FBXL4: variants seen among roughly 807,000 people sequenced by gnomAD.
FBXL4 encodes the protein F-box and leucine rich repeat protein 4.
Under a neutral mutation model 58.9 loss-of-function variants are expected in FBXL4, and 40 were observed. The ratio of observed to expected loss-of-function variants is 0.68; its 90% CI spans 0.53 to 0.88. FBXL4 has a LOEUF of 0.88. Ranked by LOEUF, FBXL4 falls within the 40% of genes least tolerant of loss-of-function variation. FBXL4 has a pLI of 0.00. For synonymous variants in FBXL4, 263 were observed against 265.5 expected (o/e 0.99, Z 0.09); for missense variants, 676 against 734.4 (o/e 0.92, Z 0.92).
intron 1 of FBXL4, among the ~76,000 whole-genome samples, chr6:98,945,407 C>T (rs1773584453): frequency 6.6e-6 from 1 of 152,162 alleles, no homozygotes; most frequent in Non-Finnish European, 1.5e-5. Context: ...AGATGGTACA[C>T]TGCCATTTAT....
At chr6:98,943,563 G>C (rs1234815241) in intron 1 of FBXL4, among the ~76,000 whole-genome samples, 9 of 106,870 alleles carry the variant, frequency 8.4e-5, no homozygotes, top group Non-Finnish European at 1.3e-4. Flanking sequence ...ATGGGTGACA[G>C]AGCAAGACTC....
chr6:98,940,580 G>A (rs1475258172), intron 1 of FBXL4, among the ~76,000 whole-genome samples: 1 of 151,608 alleles, frequency 6.6e-6, no homozygotes, highest in Non-Finnish European at 1.5e-5. Flanking sequence ...GTGCTTATTT[G>A]CCATTTATAT....
At chr6:98,946,030 C>T (rs1009245709) in intron 1 of FBXL4, among the ~76,000 whole-genome samples, 6 of 152,158 alleles carry the variant, frequency 3.9e-5, no homozygotes, top group Non-Finnish European at 5.9e-5. Flanking sequence ...GAAAGGGAAT[C>T]AACTTGCCCC....
chr6:98,908,136 A>G (rs1771883242), intron 5 of FBXL4, among the ~76,000 whole-genome samples: 1 of 152,158 alleles, frequency 6.6e-6, no homozygotes, highest in Non-Finnish European at 1.5e-5. Context: ...TAAAAAGTAA[A>G]CCCAAACATT....
At chr6:98,945,440 T>C (rs1773586211) in intron 1 of FBXL4, among the ~76,000 whole-genome samples, 1 of 152,160 alleles carries the variant, frequency 6.6e-6, no homozygotes, top group African/African-American at 2.4e-5. Context: ...GACTTAAATA[T>C]ATTTATTTTT....
At chr6:98,875,836 A>G in intron 8 of FBXL4, 109 bp from the exon 9 acceptor site, 7 of 1,068,340 alleles carry the variant, frequency 6.6e-6, no homozygotes, top group Non-Finnish European at 9.7e-6. Flanking sequence ...CCATGTAAAC[A>G]AATCCACATC....
rs1432858901 is a variant in FBXL4 at position 98,875,301 on chromosome 6, G to C, written c.1702+114C>G. ...CCTATCAAACCAAGCCATCTTATCA[G>C]GATAAAATTTTTATTGTATCCAAAA... On this transcript the variant is annotated intron_variant, in intron 9 of 9. Transcript: ENST00000369244. The C allele has an allele frequency of 5.6e-6, 5 of 897,976 alleles. No individual in the cohort carries two copies. The East Asian group carries it at 1.3e-4, about 24-fold the overall frequency. 55.6% of individuals were successfully genotyped at this position (897,976 alleles called of 1,614,324 possible). A position where few individuals can be genotyped will look rare whatever the true frequency, so the allele number is the denominator to read the frequency against.
At chr6:98,937,425 T>C (rs1485223102) in intron 1 of FBXL4, among the ~76,000 whole-genome samples, 1 of 152,242 alleles carries the variant, frequency 6.6e-6, no homozygotes, top group Non-Finnish European at 1.5e-5. Context: ...GTTATATAAT[T>C]TATGCTTATA....
intron 7 of FBXL4, among the ~76,000 whole-genome samples, chr6:98,890,191 T>A (rs195846): frequency 0.23 from 35,299 of 152,000 alleles, 4,848 homozygotes; most frequent in East Asian, 0.5. Flanking sequence ...TAATAAAGAA[T>A]GTAACCCTTA....
rs1455858692 is a variant in FBXL4 at position 98,915,800 on chromosome 6, A to G, written c.858+1574T>C. 2.0e-5 allele frequency among the ~76,000 whole-genome samples: 3 copies of G among 152,118 alleles called. No individual in the cohort carries two copies. The South Asian group carries it at 6.2e-4, about 32-fold the overall frequency. ...CTAAAACACCAAAAGCAATGGCAAC[A>G]AAAGCCAAAATTGACAAATGGGATC... is the stretch of plus-strand genomic sequence containing the variant. On this transcript the variant is annotated intron_variant, in intron 5 of 9. Transcript: ENST00000369244.
At chr6:98,899,093 T>C (rs1372616117) in intron 7 of FBXL4, 175 bp downstream of exon 7, 13 of 985,104 alleles carry the variant, frequency 1.3e-5, no homozygotes, top group Non-Finnish European at 1.6e-5. Context: ...AAAAGCATAT[T>C]AGGTTTGAAA....
chr6:98,870,561 A>G lies in FBXL4; in HGVS notation c.*3717T>C, dbSNP rs1770464740. 1 of 152,242 alleles carries G rather than the reference A, an allele frequency of 6.6e-6. No individual in the cohort carries two copies. Among genetic ancestry groups the G allele is most frequent in the Admixed American group, 6.5e-5 (1 of 15,278 alleles). The allele number at this position is 152,242 out of a possible 1,614,324, so 9.4% of individuals were successfully genotyped here. A position where few individuals can be genotyped will look rare whatever the true frequency, so the allele number is the denominator to read the frequency against. ...TGCTACTTGGCACACTAAAAACTGC[A>G]GTAATGCAGTTACCAGCATTTTGAG... On this transcript the variant is annotated 3_prime_UTR_variant, in exon 10 of 10. Coordinates refer to ENST00000369244, the MANE Select transcript of FBXL4 (RefSeq NM_001278716.2).
intron 7 of FBXL4, among the ~76,000 whole-genome samples, chr6:98,881,873 T>G (rs118145164): frequency 0.014 from 2,191 of 152,064 alleles, 34 homozygotes; most frequent in Admixed American, 0.026. Context: ...AATTTTCAGG[T>G]TCTTCACAAT....
chr6:98,869,001 T>C lies in FBXL4; in HGVS notation c.*5277A>G, dbSNP rs906657616. 4 of 152,178 alleles carry C rather than the reference T, an allele frequency of 2.6e-5. No homozygotes were observed. The highest frequency in any genetic ancestry group is 5.9e-5 in the Non-Finnish European group (4 of 68,026). The allele number at this position is 152,178 out of a possible 1,614,324, so 9.4% of individuals were successfully genotyped here. On this transcript the variant is annotated 3_prime_UTR_variant, in exon 10 of 10. Transcript: ENST00000369244. ...CTTATAAAAAATATATAATAAATCA[T>C]GATCTTTGATTAAAGCAAATGACTC...
At chr6:98,900,285 C>G (rs1394429743) in intron 6 of FBXL4, among the ~76,000 whole-genome samples, 2 of 152,162 alleles carry the variant, frequency 1.3e-5, no homozygotes, top group African/African-American at 2.4e-5. Context: ...ACCCTCTTAA[C>G]AGTGTACCAA....
chr6:98,945,624 A>G (rs571703139), intron 1 of FBXL4, among the ~76,000 whole-genome samples: 3 of 152,306 alleles, frequency 2.0e-5, no homozygotes, highest in African/African-American at 7.2e-5. Flanking sequence ...AATTTATTAT[A>G]TTTTAGATAT....
rs1554218803 is a variant in FBXL4 at position 98,899,300 on chromosome 6, T to C, written c.1285A>G (p.Lys429Glu). ...FNHIAKLCSL[K>E]RLVLYRTKVE... ...TTTGTTCGATAGAGAACAAGTCGTT[T>C]AAGGCTGCATAACTTGGCAATGTGG... The change falls in exon 7 of 10, where the codon AAA becomes GAA. Residue 429 changes from lysine (K) to glutamate (E), a missense_variant. Physicochemically the swap from Lys to Glu is moderately conservative, Grantham distance 56. Transcript: ENST00000369244. 5.0e-6 allele frequency: 8 copies of C among 1,613,920 alleles called. No homozygotes were observed. In the Admixed American group the frequency reaches 1.0e-4, roughly 20 times the overall value.
At chr6:98,913,457 A>T (rs1432877060) in intron 5 of FBXL4, among the ~76,000 whole-genome samples, 1 of 151,348 alleles carries the variant, frequency 6.6e-6, no homozygotes, top group African/African-American at 2.4e-5. Context: ...GTAAAAGAAC[A>T]GAACTGTCTC....
rs774583737 is a variant in FBXL4, at chr6:98,871,662, T to C, written c.*2616A>G. 7 of 152,204 alleles carry C rather than the reference T, an allele frequency of 4.6e-5. No homozygotes were observed. The highest frequency in any genetic ancestry group is 7.3e-5 in the Non-Finnish European group (5 of 68,040). The allele number at this position is 152,204 out of a possible 1,614,324, so 9.4% of individuals were successfully genotyped here. A position where few individuals can be genotyped will look rare whatever the true frequency, so the allele number is the denominator to read the frequency against. ...ACTGTATTATTCATCAGCAGGTACT[T>C]TGTGGGATATATTTGATTCAATTTT... On this transcript the variant is annotated 3_prime_UTR_variant, in exon 10 of 10. Transcript: ENST00000369244.
Sources: gnomAD v4.1 joint callset for allele counts (sites outside exome capture counted in the v4.1 genomes callset) on GRCh38, gnomAD v4.1.1 for gene constraint, MANE v1.5 for transcripts, NCBI Gene and HGNC (gene_info 2026-07-23, HGNC 2026-07-21) for gene names.